Variants in PTK2 observed in about 807,000 individuals in gnomAD.
The protein encoded by PTK2 is protein tyrosine kinase 2.
A neutral mutation model predicts 150.1 loss-of-function variants in PTK2; 45 were observed. The ratio of observed to expected loss-of-function variants is 0.30; its 90% CI spans 0.24 to 0.38. The LOEUF (loss-of-function observed/expected upper bound fraction) is 0.38, where lower values mean the gene tolerates loss of function less well. PTK2 is among the 10% of genes least tolerant of loss of function. The pLI, the probability that PTK2 is intolerant of heterozygous loss-of-function variation, is 1.00. For missense variants in PTK2, 919 were observed against 1,307.3 expected (o/e 0.70, Z 4.58); for synonymous variants, 432 against 449.2 (o/e 0.96, Z 0.48).
chr8:140,876,391 C>T (rs1159857457), intron 4 of PTK2, among the ~76,000 whole-genome samples: 1 of 152,204 alleles, frequency 6.6e-6, no homozygotes, highest in African/African-American at 2.4e-5. Flanking sequence ...CATATTATCC[C>T]ACTATTTTCT....
intron 26 of PTK2, among the ~76,000 whole-genome samples, chr8:140,690,358 C>A (rs1287906751): frequency 6.6e-6 from 1 of 151,646 alleles, no homozygotes; most frequent in Non-Finnish European, 1.5e-5. Context: ...GAACTCCTGG[C>A]CTCAAGCAAT....
chr8:140,960,698 T>C (rs1341802790), intron 1 of PTK2, among the ~76,000 whole-genome samples: 3 of 152,170 alleles, frequency 2.0e-5, no homozygotes, highest in South Asian at 2.1e-4. Flanking sequence ...ACGTATCATA[T>C]AGGCTGGGCG....
chr8:140,770,550 G>GC (rs2100074891), intron 14 of PTK2, among the ~76,000 whole-genome samples, 166 bp downstream of exon 15: 1 of 152,102 alleles, frequency 6.6e-6, no homozygotes, highest in Non-Finnish European at 1.5e-5. Context: ...ATAAAACCTT[G>GC]CCCCCACCCC....
At chr8:140,674,469 G>A (rs1426796466) in intron 28 of PTK2, 65 bp from the exon 32 acceptor site, 3 of 1,401,310 alleles carry the variant, frequency 2.1e-6, no homozygotes, top group Non-Finnish European at 3.0e-6. Context: ...GCTGGGGGCA[G>A]TGGCTCATGC....
At chr8:140,788,731 A>C (rs958582750) in intron 14 of PTK2, among the ~76,000 whole-genome samples, 10 of 152,198 alleles carry the variant, frequency 6.6e-5, no homozygotes, top group African/African-American at 2.4e-4. Context: ...TTTCTAAGTG[A>C]GATGCTAAAG....
At position 140,800,876 on chromosome 8, in the gene PTK2, C is replaced by T. The variant is rs531260115; in HGVS notation, c.976-300G>A. Among the ~76,000 whole-genome samples the T allele has an allele frequency of 7.9e-5, 12 of 152,190 alleles. No homozygotes were observed. In the East Asian group the frequency reaches 2.3e-3, roughly 29 times the overall value. On this transcript the variant is annotated intron_variant, in intron 11 of 31. Transcript: ENST00000522684. The stretch of plus-strand genomic sequence containing the variant: ...CAGAGTGTCTGGCCCCTCTGGCATA[C>T]TCCAGTTAAGGGAAGAATTTAGACA...
At chr8:140,806,044 C>T (rs1305089212) in intron 10 of PTK2, among the ~76,000 whole-genome samples, 1 of 152,062 alleles carries the variant, frequency 6.6e-6, no homozygotes, top group Non-Finnish European at 1.5e-5. Flanking sequence ...GTTTTTATAA[C>T]CAAGGCTGCT....
At chr8:140,858,253 T>C (rs1471972735) in intron 5 of PTK2, among the ~76,000 whole-genome samples, 3 of 151,654 alleles carry the variant, frequency 2.0e-5, no homozygotes, top group South Asian at 2.1e-4. Context: ...CTAACACATA[T>C]GGAGAGACTG....
chr8:140,671,441 G>A (rs963399795), intron 29 of PTK2, among the ~76,000 whole-genome samples: 1 of 151,988 alleles, frequency 6.6e-6, no homozygotes, highest in Non-Finnish European at 1.5e-5. Context: ...AGGCTGGTCT[G>A]GTACTCTTGG....
At chr8:140,793,864 C>T (rs1388259844) in intron 12 of PTK2, among the ~76,000 whole-genome samples, 2 of 152,190 alleles carry the variant, frequency 1.3e-5, no homozygotes, top group Admixed American at 6.5e-5. Context: ...CTGGAGCTGT[C>T]ATCTAAAGGA....
At chr8:140,763,961 A>G (rs887145551) in intron 15 of PTK2, among the ~76,000 whole-genome samples, 4 of 152,188 alleles carry the variant, frequency 2.6e-5, no homozygotes, top group Non-Finnish European at 5.9e-5. Flanking sequence ...AAATACCCTA[A>G]TCAATAAAGG....
At chr8:140,958,266 T>C (rs1013197137) in intron 1 of PTK2, among the ~76,000 whole-genome samples, 1 of 152,130 alleles carries the variant, frequency 6.6e-6, no homozygotes, top group African/African-American at 2.4e-5. Flanking sequence ...GCCTCCTGAG[T>C]AGCTGGGACT....
chr8:140,934,330 G>A (rs1390346216), intron 1 of PTK2, among the ~76,000 whole-genome samples: 1 of 152,118 alleles, frequency 6.6e-6, no homozygotes. Flanking sequence ...ACAGCTTAAG[G>A]ACAGGAGTCT....
At chr8:140,890,613 T>G in exon 3 of PTK2, 1 of 1,614,098 alleles carries the variant, frequency 6.2e-7, no homozygotes, top group Non-Finnish European at 8.5e-7. Flanking sequence ...GCTTTCAAAA[T>G]AATGAAAGAC....
chr8:140,884,108 C>T (rs961912438), intron 3 of PTK2, among the ~76,000 whole-genome samples: 2 of 152,168 alleles, frequency 1.3e-5, no homozygotes, highest in African/African-American at 2.4e-5. Flanking sequence ...ACCTTAAGGT[C>T]TGTAGCCTTC....
At chr8:140,863,642 C>G (rs1327209731) in intron 5 of PTK2, among the ~76,000 whole-genome samples, 1 of 152,184 alleles carries the variant, frequency 6.6e-6, no homozygotes, top group African/African-American at 2.4e-5. Flanking sequence ...CAAATCTATA[C>G]TGGGTCAGCA....
At chr8:140,977,993 A>T (rs1446560041) in intron 1 of PTK2, among the ~76,000 whole-genome samples, 1 of 152,232 alleles carries the variant, frequency 6.6e-6, no homozygotes, top group Non-Finnish European at 1.5e-5. Flanking sequence ...AATCTGACAA[A>T]AACAAGAAAT....
intron 27 of PTK2, among the ~76,000 whole-genome samples, chr8:140,679,003 G>GTTTTGTTTTTT (rs2100015512): frequency 1.4e-5 from 1 of 68,988 alleles, no homozygotes; most frequent in African/African-American, 6.4e-5. Flanking sequence ...TGCTCCCCAT[G>GTTTTGTTTTTT]TTTTTTTTTT....
intron 7 of PTK2, among the ~76,000 whole-genome samples, chr8:140,835,966 C>T (rs746311482): frequency 4.6e-5 from 7 of 151,978 alleles, no homozygotes; most frequent in Admixed American, 2.0e-4. Context: ...CTCCCTGTGA[C>T]GAGAATGGCA....
Sources: gnomAD v4.1 joint callset for allele counts (sites outside exome capture counted in the v4.1 genomes callset) on GRCh38, gnomAD v4.1.1 for gene constraint, MANE v1.5 for transcripts, NCBI Gene and HGNC (gene_info 2026-07-23, HGNC 2026-07-21) for gene names.